The following LPAR1 variants were observed in gnomAD, a reference collection of about 807,000 sequenced individuals.
LPAR1 encodes LPA receptor 1.
A neutral mutation model predicts 23.8 loss-of-function variants in LPAR1; 5 were observed. The ratio of observed to expected loss-of-function variants is 0.21; its 90% CI spans 0.11 to 0.44. LPAR1 has a LOEUF of 0.44. Ranked by LOEUF, LPAR1 falls within the 20% of genes least tolerant of loss-of-function variation. The pLI is 0.99. For missense variants in LPAR1, 311 were observed against 482.8 expected (o/e 0.64, Z 3.33); for synonymous variants, 160 against 164.7 (o/e 0.97, Z 0.22).
chr9:110,959,923 G>C (rs1018188676), intron 4 of LPAR1, among the ~76,000 whole-genome samples: 1 of 151,990 alleles, frequency 6.6e-6, no homozygotes, highest in Admixed American at 6.6e-5. Flanking sequence ...CCCAGGCATG[G>C]GATCTATGAA....
At chr9:110,989,812 G>C (rs1400861182) in intron 2 of LPAR1, among the ~76,000 whole-genome samples, 1 of 151,914 alleles carries the variant, frequency 6.6e-6, no homozygotes, top group African/African-American at 2.4e-5. Context: ...TTATGAGACT[G>C]GATAAAAAAG....
chr9:111,035,135 T>C (rs1384784490), intron 2 of LPAR1, among the ~76,000 whole-genome samples: 1 of 152,226 alleles, frequency 6.6e-6, no homozygotes, highest in East Asian at 1.9e-4. Context: ...TCCTTGCATC[T>C]ACCACATGGA....
intron 5 of LPAR1, among the ~76,000 whole-genome samples, chr9:110,920,573 C>G (rs760932205): frequency 6.6e-6 from 1 of 151,942 alleles, no homozygotes; most frequent in Non-Finnish European, 1.5e-5. Context: ...TTTTTCTTCC[C>G]TTCCTCTTTT....
intron 5 of LPAR1, among the ~76,000 whole-genome samples, chr9:110,902,981 C>A (rs747407638): frequency 6.6e-6 from 1 of 152,222 alleles, no homozygotes; most frequent in Non-Finnish European, 1.5e-5. Flanking sequence ...ATGCAATTGT[C>A]ATTGGATGCA....
At chr9:110,992,798 A>G (rs931672273) in intron 2 of LPAR1, among the ~76,000 whole-genome samples, 15 of 152,204 alleles carry the variant, frequency 9.9e-5, no homozygotes, top group Non-Finnish European at 1.9e-4. Flanking sequence ...TATAGTGACC[A>G]AAAGCAATTA....
chr9:110,952,614 A>AG (rs1390104206), intron 4 of LPAR1, among the ~76,000 whole-genome samples: 1 of 152,164 alleles, frequency 6.6e-6, no homozygotes, highest in Non-Finnish European at 1.5e-5. Flanking sequence ...AAGTGCCCTG[A>AG]GGAAAGGCTA....
chr9:110,991,185 A>G (rs1456148631), intron 2 of LPAR1, among the ~76,000 whole-genome samples: 1 of 152,244 alleles, frequency 6.6e-6, no homozygotes, highest in African/African-American at 2.4e-5. Context: ...GTTTCCTTAG[A>G]TAAGATACCT....
chr9:111,000,735 A>G (rs905814694), intron 2 of LPAR1, among the ~76,000 whole-genome samples: 2 of 152,220 alleles, frequency 1.3e-5, no homozygotes, highest in Non-Finnish European at 2.9e-5. Flanking sequence ...CACAGTGCAG[A>G]AATACATTTT....
At chr9:110,885,907 AC>A (rs1437103942) in intron 5 of LPAR1, among the ~76,000 whole-genome samples, 2 of 152,000 alleles carry the variant, frequency 1.3e-5, no homozygotes, top group Admixed American at 1.3e-4. Flanking sequence ...TACTAAAAAT[AC>A]AAAATTAGGC....
intron 2 of LPAR1, among the ~76,000 whole-genome samples, chr9:111,022,902 A>T (rs2097584701): frequency 6.6e-6 from 1 of 151,996 alleles, no homozygotes; most frequent in Admixed American, 6.6e-5. Context: ...TGCAAAAAAA[A>T]ATTAGCCGGG....
intron 5 of LPAR1, among the ~76,000 whole-genome samples, chr9:110,924,073 C>T (rs1326890): frequency 0.84 from 127,267 of 151,916 alleles, 53,437 homozygotes; most frequent in African/African-American, 0.86. Context: ...CATAGTGCCA[C>T]TAAAAAAAAT....
chr9:111,011,140 T>C (rs1285852863), intron 2 of LPAR1, among the ~76,000 whole-genome samples: 8 of 152,100 alleles, frequency 5.3e-5, no homozygotes, highest in African/African-American at 1.9e-4. Flanking sequence ...GTGTATGTAG[T>C]GGGTGTAAGT....
chr9:110,969,939 G>T (rs117065075), intron 4 of LPAR1, among the ~76,000 whole-genome samples: 1 of 152,154 alleles, frequency 6.6e-6, no homozygotes, highest in Non-Finnish European at 1.5e-5. Context: ...GGCATGTGCA[G>T]AAGTGTATAA....
intron 5 of LPAR1, among the ~76,000 whole-genome samples, chr9:110,899,629 A>G (rs1167859809): frequency 6.6e-6 from 1 of 152,198 alleles, no homozygotes; most frequent in Non-Finnish European, 1.5e-5. Context: ...GTGTACACGA[A>G]TCACCCAGAG....
At chr9:110,887,629 G>A (rs1014189935) in intron 5 of LPAR1, among the ~76,000 whole-genome samples, 1 of 152,036 alleles carries the variant, frequency 6.6e-6, no homozygotes, top group Non-Finnish European at 1.5e-5. Context: ...TATTCAATTG[G>A]GAAGTGGGTG....
intron 2 of LPAR1, among the ~76,000 whole-genome samples, chr9:110,983,395 A>G (rs1588679909): frequency 6.6e-6 from 1 of 152,078 alleles, no homozygotes; most frequent in East Asian, 1.9e-4. Context: ...GCTAAGTGAA[A>G]TAAGCCAGTC....
chr9:111,032,079 T>C (rs1310211637), intron 2 of LPAR1, among the ~76,000 whole-genome samples: 1 of 152,184 alleles, frequency 6.6e-6, no homozygotes, highest in Non-Finnish European at 1.5e-5. Flanking sequence ...TACAAATGCC[T>C]ACTGAATATG....
chr9:110,976,655 A>G (rs540807762), intron 2 of LPAR1, among the ~76,000 whole-genome samples: 1 of 152,276 alleles, frequency 6.6e-6, no homozygotes, highest in African/African-American at 2.4e-5. Context: ...TGCCCAGCTG[A>G]CATCAGGCTC....
intron 5 of LPAR1, among the ~76,000 whole-genome samples, chr9:110,882,966 G>A (rs1456905624): frequency 2.6e-5 from 4 of 152,138 alleles, no homozygotes; most frequent in African/African-American, 9.7e-5. Flanking sequence ...AGAAGAGGAG[G>A]CAGAAGAGTA....
Sources: allele counts gnomAD v4.1 joint callset (sites outside exome capture counted in the v4.1 genomes callset), GRCh38; gene constraint gnomAD v4.1.1; transcripts MANE v1.5; gene names NCBI Gene and HGNC (gene_info 2026-07-23, HGNC 2026-07-21).